The following KCNT2 variants were observed in gnomAD, a reference collection of about 807,000 sequenced individuals.
KCNT2 encodes potassium channel subfamily T member 2.
A neutral mutation model predicts 153.8 loss-of-function variants in KCNT2; 67 were observed. The ratio of observed to expected loss-of-function variants is 0.44; its 90% CI spans 0.36 to 0.53. KCNT2 has a LOEUF of 0.53. KCNT2 is among the 20% of genes least tolerant of loss of function. The probability of loss-of-function intolerance (pLI) is 0.00; values close to 1 mark genes in which losing one functional copy is unlikely to be tolerated. For synonymous variants in KCNT2, 500 were observed against 458.8 expected (o/e 1.09, Z -1.15); for missense variants, 975 against 1,354.8 (o/e 0.72, Z 4.40).
intron 12 of KCNT2, among the ~76,000 whole-genome samples, chr1:196,414,551 A>G (rs1003473462): frequency 2.0e-5 from 3 of 151,820 alleles, no homozygotes; most frequent in African/African-American, 7.2e-5. Context: ...TTTCAAACGA[A>G]GTAAAAGTTT....
At chr1:196,509,433 A>T (rs2148792576) in intron 1 of KCNT2, among the ~76,000 whole-genome samples, 1 of 152,324 alleles carries the variant, frequency 6.6e-6, no homozygotes, top group East Asian at 1.9e-4. Flanking sequence ...AATAATATGA[A>T]TAAATCTTAG....
chr1:196,440,520 C>T (rs938628841), intron 8 of KCNT2, among the ~76,000 whole-genome samples: 60 of 151,988 alleles, frequency 3.9e-4, no homozygotes, highest in African/African-American at 1.3e-3. Context: ...GTTAGGGTTT[C>T]GTGGAATAAA....
At chr1:196,388,760 CA>C (rs1461012990) in intron 13 of KCNT2, among the ~76,000 whole-genome samples, 2 of 151,722 alleles carry the variant, frequency 1.3e-5, no homozygotes, top group Non-Finnish European at 3.0e-5. Flanking sequence ...CTAAGTCATT[CA>C]TTAGTTCTAC....
At chr1:196,348,186 G>C (rs1460982979) in intron 14 of KCNT2, among the ~76,000 whole-genome samples, 2 of 148,730 alleles carry the variant, frequency 1.3e-5, no homozygotes, top group Admixed American at 6.7e-5. Flanking sequence ...CTTTCTCTAT[G>C]ATAAATGTGT....
intron 25 of KCNT2, among the ~76,000 whole-genome samples, chr1:196,279,474 G>A (rs893282744): frequency 1.3e-5 from 2 of 151,986 alleles, no homozygotes; most frequent in Admixed American, 1.3e-4. Flanking sequence ...CCAGGCTGGA[G>A]TGCAGTGGCG....
intron 12 of KCNT2, among the ~76,000 whole-genome samples, chr1:196,404,746 A>C (rs1671692277): frequency 6.6e-6 from 1 of 151,584 alleles, no homozygotes; most frequent in South Asian, 2.1e-4. Context: ...CCTAAACTAT[A>C]AGCTTGATGA....
chr1:196,458,861 T>C (rs1009107576), intron 8 of KCNT2, among the ~76,000 whole-genome samples: 9 of 152,016 alleles, frequency 5.9e-5, no homozygotes, highest in Admixed American at 5.3e-4. Flanking sequence ...CTGTGCACAG[T>C]TACTGGAAAA....
intron 13 of KCNT2, among the ~76,000 whole-genome samples, chr1:196,391,506 G>A (rs554099346): frequency 2.0e-5 from 3 of 150,972 alleles, no homozygotes; most frequent in Non-Finnish European, 4.4e-5. Context: ...CAAGAAATTG[G>A]GTGTTTGAAA....
chr1:196,446,505 G>A (rs1218200995), intron 8 of KCNT2, among the ~76,000 whole-genome samples: 1 of 151,358 alleles, frequency 6.6e-6, no homozygotes, highest in African/African-American at 2.4e-5. Context: ...GGCAGTAAGG[G>A]TAAAAATCTT....
chr1:196,586,485 C>T (rs1662694932), intron 1 of KCNT2, among the ~76,000 whole-genome samples: 1 of 152,026 alleles, frequency 6.6e-6, no homozygotes, highest in South Asian at 2.1e-4. Flanking sequence ...ATAATCTAGA[C>T]ATCTCCTGCT....
At chr1:196,453,870 C>G (rs1676430217) in intron 8 of KCNT2, among the ~76,000 whole-genome samples, 1 of 151,952 alleles carries the variant, frequency 6.6e-6, no homozygotes, top group Admixed American at 6.6e-5. Context: ...TTATCTTTCT[C>G]TACTTGCTCA....
At chr1:196,533,819 A>G (rs1390355183) in intron 1 of KCNT2, among the ~76,000 whole-genome samples, 2 of 152,082 alleles carry the variant, frequency 1.3e-5, no homozygotes, top group African/African-American at 4.8e-5. Context: ...AAAAAAAATA[A>G]ATGTTTACTT....
At chr1:196,344,421 A>G (rs1308705306) in intron 14 of KCNT2, among the ~76,000 whole-genome samples, 5 of 152,198 alleles carry the variant, frequency 3.3e-5, no homozygotes, top group African/African-American at 9.6e-5. Flanking sequence ...TTGATTGCAT[A>G]TGACTACATC....
At chr1:196,239,481 T>G (rs913243708) in intron 26 of KCNT2, among the ~76,000 whole-genome samples, 2 of 151,944 alleles carry the variant, frequency 1.3e-5, no homozygotes, top group Non-Finnish European at 2.9e-5. Context: ...AAATGGCAAA[T>G]ATTTTGCTTA....
At chr1:196,353,199 G>A (rs1177227314) in intron 14 of KCNT2, among the ~76,000 whole-genome samples, 1 of 151,822 alleles carries the variant, frequency 6.6e-6, no homozygotes, top group Non-Finnish European at 1.5e-5. Flanking sequence ...AATAATCTCA[G>A]GAAACTACAT....
intron 23 of KCNT2, among the ~76,000 whole-genome samples, chr1:196,284,846 T>G (rs1558100906): frequency 6.6e-6 from 1 of 152,186 alleles, no homozygotes; most frequent in Non-Finnish European, 1.5e-5. Context: ...TTTCTTTGGA[T>G]TAGTTTGTTC....
intron 7 of KCNT2, 150 bp downstream of exon 7, chr1:196,467,553 C>A: frequency 9.5e-6 from 4 of 420,884 alleles, no homozygotes; most frequent in Non-Finnish European, 8.7e-6. Context: ...TTAATTAATT[C>A]CAATAGTATG....
intron 26 of KCNT2, among the ~76,000 whole-genome samples, chr1:196,248,662 C>T (rs1481328905): frequency 6.6e-6 from 1 of 152,050 alleles, no homozygotes; most frequent in East Asian, 1.9e-4. Flanking sequence ...TAAGAAATGT[C>T]CCAGCAAAGA....
intron 22 of KCNT2, among the ~76,000 whole-genome samples, chr1:196,291,283 G>A (rs1312232643): frequency 6.6e-6 from 1 of 151,056 alleles, no homozygotes; most frequent in African/African-American, 2.4e-5. Context: ...CCTTCTGCTT[G>A]TGTGAATCAC....
Sources: allele counts gnomAD v4.1 joint callset (sites outside exome capture counted in the v4.1 genomes callset), GRCh38; gene constraint gnomAD v4.1.1; transcripts MANE v1.5; gene names NCBI Gene and HGNC (gene_info 2026-07-23, HGNC 2026-07-21).